CCDC171: variants seen among roughly 807,000 people sequenced by gnomAD.
CCDC171 encodes coiled-coil domain containing 171.
Under a neutral mutation model 168.2 loss-of-function variants are expected in CCDC171, and 177 were observed. The observed-to-expected ratio is 1.05, with a 90% CI of 0.93 to 1.19. The LOEUF is 1.19. Among genes scored for constraint, CCDC171 ranks in the 50% most tolerant of loss-of-function variants. CCDC171 has a pLI of 0.00. For synonymous variants in CCDC171, 687 were observed against 540.8 expected, an observed-to-expected ratio of 1.27 and a Z score of -3.75; for missense variants, 1,991 against 1,539.0, an observed-to-expected ratio of 1.29 and a Z score of -4.91.
chr9:15,889,972 T>G (rs1164277237), intron 24 of CCDC171, among the ~76,000 whole-genome samples: 3 of 152,140 alleles, frequency 2.0e-5, no homozygotes, highest in African/African-American at 7.2e-5. Context: ...CTGCTTATTC[T>G]AGAGAGGAAA....
intron 4 of CCDC171, among the ~76,000 whole-genome samples, chr9:16,021,280 G>T (rs1833155500): frequency 1.3e-5 from 2 of 152,132 alleles, no homozygotes; most frequent in South Asian, 2.1e-4. Context: ...TAGAGACAGG[G>T]TTTCACGATG....
chr9:16,092,086 C>G, the CCDC171 span, among the ~76,000 whole-genome samples: 17 of 152,298 alleles, frequency 1.1e-4, no homozygotes, highest in East Asian at 2.3e-3. Flanking sequence ...AGTTTGAGCT[C>G]TGTGCTACTT....
chr9:15,734,301 C>T (rs143512481), intron 16 of CCDC171, among the ~76,000 whole-genome samples: 53 of 151,994 alleles, frequency 3.5e-4, no homozygotes, highest in African/African-American at 4.8e-4. Flanking sequence ...TTTGGGAGGC[C>T]GAGGCAAGTG....
intron 8 of CCDC171, among the ~76,000 whole-genome samples, chr9:15,658,480 C>T (rs1026229105): frequency 1.3e-5 from 2 of 152,176 alleles, no homozygotes; most frequent in African/African-American, 4.8e-5. Context: ...TCAAAGATGT[C>T]CACATCTGCC....
chr9:15,590,481 T>C (rs527835673), intron 4 of CCDC171, among the ~76,000 whole-genome samples: 3 of 152,316 alleles, frequency 2.0e-5, no homozygotes, highest in African/African-American at 2.4e-5. Flanking sequence ...ATTTCCTTCT[T>C]TTCTAGGTGC....
intron 6 of CCDC171, among the ~76,000 whole-genome samples, chr9:16,033,272 G>A (rs1319211800): frequency 1.3e-5 from 2 of 152,198 alleles, no homozygotes; most frequent in African/African-American, 4.8e-5. Context: ...GTACCAGTCC[G>A]TGGCCCGTTA....
the CCDC171 span, among the ~76,000 whole-genome samples, chr9:16,076,735 C>T: frequency 2.0e-5 from 3 of 152,192 alleles, no homozygotes; most frequent in African/African-American, 4.8e-5. Flanking sequence ...TATAGCTAAA[C>T]AATTACATTG....
chr9:15,671,390 A>G (rs953486869), intron 9 of CCDC171, among the ~76,000 whole-genome samples: 2 of 151,834 alleles, frequency 1.3e-5, no homozygotes, highest in South Asian at 4.2e-4. Flanking sequence ...GGATACATGT[A>G]TACAACGTGC....
chr9:16,095,879 T>C, the CCDC171 span, among the ~76,000 whole-genome samples: 40 of 140,314 alleles, frequency 2.9e-4, no homozygotes, highest in Middle Eastern at 3.6e-3. Flanking sequence ...CATATATATA[T>C]ATATATATAT....
chr9:15,859,926 G>C (rs1285455489), intron 23 of CCDC171, among the ~76,000 whole-genome samples: 1 of 151,468 alleles, frequency 6.6e-6, no homozygotes, highest in Non-Finnish European at 1.5e-5. Flanking sequence ...CCTTGGCCAC[G>C]GAAGTGCTGG....
intron 21 of CCDC171, among the ~76,000 whole-genome samples, chr9:15,839,399 T>C (rs567313086): frequency 3.9e-5 from 6 of 152,300 alleles, no homozygotes; most frequent in East Asian, 1.9e-4. Flanking sequence ...CTAATACTAC[T>C]GTAGTACAGA....
chr9:15,635,748 G>C (rs1485475419), intron 7 of CCDC171, among the ~76,000 whole-genome samples: 1 of 152,146 alleles, frequency 6.6e-6, no homozygotes, highest in Non-Finnish European at 1.5e-5. Flanking sequence ...ATGCCACCAT[G>C]AACATTCGTG....
intron 24 of CCDC171, among the ~76,000 whole-genome samples, chr9:15,878,508 G>C (rs1818162829): frequency 6.6e-6 from 1 of 152,156 alleles, no homozygotes; most frequent in African/African-American, 2.4e-5. Flanking sequence ...GGAGAAAAGG[G>C]AATGCTTATA....
At chr9:15,820,453 T>TGAA (rs2059724251) in intron 21 of CCDC171, among the ~76,000 whole-genome samples, 1 of 112,672 alleles carries the variant, frequency 8.9e-6, no homozygotes, top group Non-Finnish European at 2.0e-5. Context: ...GCAAGACTAA[T>TGAA]GAAGAAAAGA....
intron 24 of CCDC171, among the ~76,000 whole-genome samples, chr9:15,913,037 A>T (rs111945988): frequency 0.094 from 14,238 of 152,138 alleles, 1,687 homozygotes; most frequent in African/African-American, 0.27. Context: ...TGCTATCAGG[A>T]TGTTGCTGGC....
At chr9:16,059,593 C>T (rs1193889515) in intron 1 of CCDC171, among the ~76,000 whole-genome samples, 3 of 145,302 alleles carry the variant, frequency 2.1e-5, no homozygotes, top group Admixed American at 6.8e-5. Flanking sequence ...CGGCTCACTG[C>T]AAGCTCCGCT....
chr9:15,826,927 G>A lies in CCDC171; in HGVS notation c.3268-19775G>A, dbSNP rs1456590912. Among the ~76,000 whole-genome samples the A allele has an allele frequency of 3.9e-5, 6 of 152,286 alleles. No individual in the cohort carries two copies. In the South Asian group the frequency reaches 6.2e-4, roughly 16 times the overall value. On this transcript the variant is annotated intron_variant, in intron 21 of 25. Transcript: ENST00000380701. Reference sequence around the variant, plus strand: ...GTTCTAAATTGTAACTGGAACAAAGGCTTTCATCAAATTTATGAAAAGCTT... The same window carrying A: ...GTTCTAAATTGTAACTGGAACAAAGACTTTCATCAAATTTATGAAAAGCTT...
intron 7 of CCDC171, 62 bp downstream of exon 7, chr9:15,623,475 G>GCGCGCGCGCGCGCACGCACA: frequency 3.2e-6 from 1 of 311,464 alleles, no homozygotes; most frequent in South Asian, 5.7e-5. Context: ...GCGCGCGCGC[G>GCGCGCGCGCGCGCACGCACA]CACACACACA....
chr9:15,618,008 T>C (rs887902106), intron 6 of CCDC171, among the ~76,000 whole-genome samples: 1 of 152,170 alleles, frequency 6.6e-6, no homozygotes, highest in African/African-American at 2.4e-5. Flanking sequence ...GAGGAGGCAG[T>C]CTGTCCTTAG....
Sources: gnomAD v4.1 joint callset for allele counts (sites outside exome capture counted in the v4.1 genomes callset) on GRCh38, gnomAD v4.1.1 for gene constraint, MANE v1.5 for transcripts, NCBI Gene and HGNC (gene_info 2026-07-23, HGNC 2026-07-21) for gene names.